The following PDZD2 variants were observed in gnomAD, a reference collection of about 807,000 sequenced individuals.
The protein encoded by PDZD2 is PDZ domain containing 2, also known as PDZ domain-containing protein 2.
PDZD2 carries 90 observed loss-of-function variants against 220.7 expected under a neutral mutation model. The observed-to-expected ratio is 0.41, with a 90% CI of 0.34 to 0.49. PDZD2 has a LOEUF of 0.49. Ranked by LOEUF, PDZD2 falls within the 20% of genes least tolerant of loss-of-function variation. The pLI, the probability that PDZD2 is intolerant of heterozygous loss-of-function variation, is 0.28. For missense variants in PDZD2, 3,174 were observed against 3,608.5 expected (o/e 0.88, Z 3.08); for synonymous variants, 1,375 against 1,450.5 (o/e 0.95, Z 1.18).
intron 2 of PDZD2, among the ~76,000 whole-genome samples, chr5:31,971,415 T>C (rs1749287798): frequency 6.6e-6 from 1 of 152,224 alleles, no homozygotes; most frequent in East Asian, 1.9e-4. Context: ...GGCCCCATGA[T>C]ATAATTACAT....
intron 2 of PDZD2, among the ~76,000 whole-genome samples, chr5:31,932,645 G>A (rs1043070748): frequency 2.6e-5 from 4 of 152,060 alleles, no homozygotes; most frequent in African/African-American, 9.7e-5. Context: ...AAATTTAAAT[G>A]TATAGTTTTG....
At chr5:31,873,190 T>G (rs1738986731) in intron 2 of PDZD2, among the ~76,000 whole-genome samples, 1 of 152,036 alleles carries the variant, frequency 6.6e-6, no homozygotes, top group Admixed American at 6.6e-5. Flanking sequence ...TCCTAGCACT[T>G]TGGGAGACTG....
rs958097937 is a variant in PDZD2, at chr5:31,799,098, C to T, written c.-151C>T. On this transcript the variant is annotated 5_prime_UTR_variant, in exon 2 of 25. Transcript: ENST00000438447. ...CCTGCCAAGGCAAACAGCATAGTCT[C>T]GAGTAGGTGTCCCTAGGCTCATCTG... is the stretch of plus-strand genomic sequence containing the variant. The T allele has an allele frequency of 1.2e-5, 7 of 601,650 alleles. No homozygotes were observed. Among genetic ancestry groups the T allele is most frequent in the East Asian group, 1.1e-4 (4 of 36,270 alleles). The allele number at this position is 601,650 out of a possible 1,614,324, so 37.3% of individuals were successfully genotyped here. A position where few individuals can be genotyped will look rare whatever the true frequency, so the allele number is the denominator to read the frequency against.
chr5:31,912,362 G>A (rs765292688), intron 2 of PDZD2, among the ~76,000 whole-genome samples: 5 of 152,048 alleles, frequency 3.3e-5, no homozygotes, highest in Non-Finnish European at 5.9e-5. Flanking sequence ...TGACCTTATC[G>A]CTTCCCAAAG....
intron 2 of PDZD2, among the ~76,000 whole-genome samples, chr5:31,877,606 G>A (rs1164902511): frequency 6.6e-6 from 1 of 152,092 alleles, no homozygotes; most frequent in African/African-American, 2.4e-5. Flanking sequence ...GGTCACGCCT[G>A]GTATCCCTAA....
Position 31,842,430 on chromosome 5 carries a change from G to A in PDZD2, c.476+42706G>A, listed in dbSNP as rs150440569. 6.2e-3 allele frequency among the ~76,000 whole-genome samples: 945 copies of A among 152,206 alleles called. 8 individuals are homozygous for A. The highest frequency in any genetic ancestry group is 8.8e-3 in the Non-Finnish European group (600 of 67,990). ...CTCCACGGCTCTGTTCTTCTCACCC[G>A]GCCGCTCATTCTGACACAGCCCATC... On this transcript the variant is annotated intron_variant, in intron 2 of 24. Transcript: ENST00000438447.
At chr5:31,906,551 G>T (rs1742673823) in intron 2 of PDZD2, among the ~76,000 whole-genome samples, 1 of 151,948 alleles carries the variant, frequency 6.6e-6, no homozygotes. Context: ...TCTATTAAGA[G>T]ACTATTTATA....
At chr5:32,105,142 ACAAT>A (rs539018133) in intron 24 of PDZD2, among the ~76,000 whole-genome samples, 4,685 of 152,030 alleles carry the variant, frequency 0.031, 149 homozygotes, top group African/African-American at 0.085. Context: ...TCAAAAAAAA[ACAAT>A]CAATCAATCA....
chr5:31,789,700 A>T (rs1409432502), intron 1 of PDZD2, among the ~76,000 whole-genome samples: 1 of 152,216 alleles, frequency 6.6e-6, no homozygotes, highest in African/African-American at 2.4e-5. Flanking sequence ...AGGCCGAGGC[A>T]TCCGAGTCAG....
intron 1 of PDZD2, among the ~76,000 whole-genome samples, chr5:31,679,207 C>T (rs1580554554): frequency 6.6e-6 from 1 of 152,222 alleles, no homozygotes; most frequent in African/African-American, 2.4e-5. Flanking sequence ...TGTTCTTTTC[C>T]CTGCCCTTGA....
chr5:32,004,943 C>T (rs976503942), intron 5 of PDZD2, among the ~76,000 whole-genome samples: 1 of 152,176 alleles, frequency 6.6e-6, no homozygotes, highest in Non-Finnish European at 1.5e-5. Context: ...ACCCAGGCCT[C>T]AGAAGAGTGA....
At chr5:31,744,007 T>C (rs1750431463) in intron 1 of PDZD2, 1 of 152,062 alleles carries the variant, frequency 6.6e-6, no homozygotes, top group South Asian at 2.1e-4. Context: ...ATTGTGCCTG[T>C]TTGTAACCAA....
At chr5:31,662,409 C>T (rs996411914) in intron 1 of PDZD2, among the ~76,000 whole-genome samples, 1 of 152,184 alleles carries the variant, frequency 6.6e-6, no homozygotes, top group East Asian at 1.9e-4. Context: ...CCACATGCTG[C>T]CTGTCTTAGT....
chr5:31,817,070 C>T (rs1755507637), intron 2 of PDZD2, among the ~76,000 whole-genome samples: 1 of 151,608 alleles, frequency 6.6e-6, no homozygotes, highest in Non-Finnish European at 1.5e-5. Flanking sequence ...CCTGTAGTCC[C>T]AGCTACTCAA....
chr5:31,908,422 T>C (rs2150365204), intron 2 of PDZD2: 2 of 544,158 alleles, frequency 3.7e-6, no homozygotes, highest in Non-Finnish European at 6.6e-6. Context: ...CCGGGAGATC[T>C]CAGACTGGCT....
At chr5:31,977,724 G>A (rs1442896077) in intron 2 of PDZD2, among the ~76,000 whole-genome samples, 3 of 152,252 alleles carry the variant, frequency 2.0e-5, no homozygotes, top group African/African-American at 7.2e-5. Flanking sequence ...TGTAATTCCA[G>A]CACTTTGGGA....
At chr5:31,655,461 G>T (rs1369165731) in intron 1 of PDZD2, among the ~76,000 whole-genome samples, 2 of 152,148 alleles carry the variant, frequency 1.3e-5, no homozygotes, top group Non-Finnish European at 2.9e-5. Context: ...ACGAGCCACT[G>T]CGCCCGGCCT....
chr5:32,100,974 G>A (rs1744205469), intron 23 of PDZD2, 131 bp from the exon 24 acceptor site: 9 of 1,599,978 alleles, frequency 5.6e-6, no homozygotes, highest in Non-Finnish European at 7.7e-6. Flanking sequence ...GTAAGTAAGT[G>A]CCCCAGGGTA....
At chr5:31,712,324 A>C (rs138852916) in intron 1 of PDZD2, among the ~76,000 whole-genome samples, 203 of 152,162 alleles carry the variant, frequency 1.3e-3, no homozygotes, top group Admixed American at 2.4e-3. Flanking sequence ...CACGGCGTTG[A>C]CTCGGATTCA....
Sources: allele counts gnomAD v4.1 joint callset (sites outside exome capture counted in the v4.1 genomes callset), GRCh38; gene constraint gnomAD v4.1.1; transcripts MANE v1.5; gene names NCBI Gene and HGNC (gene_info 2026-07-23, HGNC 2026-07-21).